MALT1: variants seen among roughly 807,000 people sequenced by gnomAD.
The protein encoded by MALT1 is mucosa-associated lymphoid tissue lymphoma translocation protein 1.
A neutral mutation model predicts 85.5 loss-of-function variants in MALT1; 36 were observed. That is an observed-to-expected ratio of 0.42 (90% confidence interval 0.32 to 0.56). The LOEUF (loss-of-function observed/expected upper bound fraction) is 0.56, where lower values mean the gene tolerates loss of function less well. MALT1 is among the 20% of genes least tolerant of loss of function. The probability of loss-of-function intolerance (pLI) is 0.10; values close to 1 mark genes in which losing one functional copy is unlikely to be tolerated. For missense variants in MALT1, 716 were observed against 981.6 expected (o/e 0.73, Z 3.62); for synonymous variants, 359 against 361.3 (o/e 0.99, Z 0.07).
intron 1 of MALT1, among the ~76,000 whole-genome samples, chr18:58,675,636 T>C (rs982680671): frequency 1.3e-5 from 2 of 152,230 alleles, no homozygotes; most frequent in East Asian, 3.8e-4. Context: ...AGAATTTTAT[T>C]GATTTAGGTA....
intron 1 of MALT1, chr18:58,677,728 G>A (rs957435572): frequency 6.6e-6 from 1 of 152,154 alleles, no homozygotes; most frequent in African/African-American, 2.4e-5. Context: ...ACTGCAGATT[G>A]TGCTGCCACT....
At chr18:58,747,278 G>A (rs536304844) in intron 16 of MALT1, 127 bp from the exon 17 acceptor site, 23 of 645,084 alleles carry the variant, frequency 3.6e-5, no homozygotes, top group African/African-American at 3.1e-4. Flanking sequence ...ATGCCTTGAG[G>A]ATTTGGAACC....
intron 2 of MALT1, among the ~76,000 whole-genome samples, chr18:58,682,315 A>G (rs1051274706): frequency 1.3e-5 from 2 of 152,202 alleles, no homozygotes; most frequent in African/African-American, 4.8e-5. Context: ...TACATGTACC[A>G]GAAACCCCAA....
At position 58,671,696 on chromosome 18, in the gene MALT1, CG is replaced by C. The variant is rs1421762165; in HGVS notation, c.57del (p.Pro20ArgfsTer53). 3 of 1,259,062 alleles carry C rather than the reference CG, an allele frequency of 2.4e-6. No homozygotes were observed. Among genetic ancestry groups the C allele is most frequent in the Admixed American group, 4.0e-5 (1 of 25,236 alleles). The allele number at this position is 1,259,062 out of a possible 1,614,324, so 78.0% of individuals were successfully genotyped here. ...LQALPPSAAPTGPLLAPPAGA... is the reference protein window; with the variant it reads ...LQALPPSAAPXGPLLAPPAGA... ...GCCCTGCCGCCCTCGGCCGCCCCCA[CG>C]GGGCCGCTGCTCGCCCCTCCGGCCG... On this transcript the variant is annotated frameshift_variant, in exon 1 of 17. Coordinates refer to ENST00000649217, the MANE Select transcript of MALT1 (RefSeq NM_006785.4). LOFTEE classifies it high-confidence loss of function.
chr18:58,725,358 T>G (rs2055040217), intron 10 of MALT1, among the ~76,000 whole-genome samples: 1 of 151,994 alleles, frequency 6.6e-6, no homozygotes, highest in African/African-American at 2.4e-5. Context: ...ATAAATGAGT[T>G]TCATGTTTAG....
At chr18:58,696,583 G>C (rs890986297) in intron 3 of MALT1, 96 bp downstream of exon 3, 43 of 1,033,874 alleles carry the variant, frequency 4.2e-5, no homozygotes, top group Non-Finnish European at 5.1e-5. Flanking sequence ...TAACAGTTTG[G>C]TAAAAGAGTC....
At chr18:58,736,485 G>C (rs1033407570) in intron 13 of MALT1, among the ~76,000 whole-genome samples, 1 of 151,580 alleles carries the variant, frequency 6.6e-6, no homozygotes, top group African/African-American at 2.4e-5. Context: ...GATTATGTCA[G>C]TTATATTCAA....
chr18:58,730,201 A>C (rs552687867), intron 10 of MALT1, among the ~76,000 whole-genome samples: 1 of 152,340 alleles, frequency 6.6e-6, no homozygotes, highest in African/African-American at 2.4e-5. Context: ...AAAGTGTATA[A>C]TTTGGTGATT....
chr18:58,690,552 C>T lies in MALT1; in HGVS notation c.377-5814C>T, dbSNP rs1026303609. 23 of 162,606 alleles carry T rather than the reference C, an allele frequency of 1.4e-4. 1 individual carries two copies. Among genetic ancestry groups the T allele is most frequent in the Admixed American group, 9.6e-4 (15 of 15,600 alleles). The allele number at this position is 162,606 out of a possible 1,614,324, so 10.1% of individuals were successfully genotyped here. ...CCCTCTGTGAGAGAGATGTACTTCA[C>T]GCCCGGGCTGCCACCGCTGATCTTC... On this transcript the variant is annotated intron_variant, in intron 2 of 16. Coordinates refer to ENST00000649217, the MANE Select transcript of MALT1 (RefSeq NM_006785.4).
At chr18:58,678,354 C>G (rs1484505016) in intron 1 of MALT1, among the ~76,000 whole-genome samples, 3 of 152,218 alleles carry the variant, frequency 2.0e-5, no homozygotes, top group Non-Finnish European at 4.4e-5. Flanking sequence ...TTCAGGCTTT[C>G]AGCCTTGACA....
rs138310338 is a variant in MALT1 at position 58,684,019 on chromosome 18, C to T, written c.376+2683C>T. On this transcript the variant is annotated intron_variant, in intron 2 of 16. Coordinates refer to ENST00000649217, the MANE Select transcript of MALT1 (RefSeq NM_006785.4). ...TGATCTCGGCTCACTGCAACTTCTGCCTCCGGAGCCTCAAGCAATCCTCCC... is the reference window on the plus strand; with the variant it reads ...TGATCTCGGCTCACTGCAACTTCTGTCTCCGGAGCCTCAAGCAATCCTCCC... Among the ~76,000 whole-genome samples, 6 of 152,248 alleles carry T rather than the reference C, an allele frequency of 3.9e-5. No homozygotes were observed. The East Asian group carries it at 1.2e-3, about 29-fold the overall frequency.
intron 8 of MALT1, among the ~76,000 whole-genome samples, chr18:58,715,379 T>C (rs2054884479): frequency 6.6e-6 from 1 of 152,144 alleles, no homozygotes; most frequent in African/African-American, 2.4e-5. Flanking sequence ...AAGCTTTTAA[T>C]AGGCTTCAGT....
chr18:58,748,712 C>CTT lies in MALT1; in HGVS notation c.*871_*872dup, dbSNP rs2055407185. 1 of 194,420 alleles carries CTT rather than the reference C, an allele frequency of 5.1e-6. No individual in the cohort carries two copies. The highest frequency in any genetic ancestry group is 2.3e-5 in the African/African-American group (1 of 42,946). 12.0% of individuals were successfully genotyped at this position (194,420 alleles called of 1,614,324 possible). A position where few individuals can be genotyped will look rare whatever the true frequency, so the allele number is the denominator to read the frequency against. On this transcript the variant is annotated 3_prime_UTR_variant, in exon 17 of 17. Transcript: ENST00000649217. ...TTCACTGGCCTAATGAGATAATACT[C>CTT]TTATCTTTGGCTCTACCTAAAAGTT...
chr18:58,752,846 G>A lies in MALT1; in HGVS notation c.*5004G>A, dbSNP rs1259106823. On this transcript the variant is annotated 3_prime_UTR_variant, in exon 17 of 17. Coordinates refer to ENST00000649217, the MANE Select transcript of MALT1 (RefSeq NM_006785.4). ...AAGAGTACAATCAGAATATGAAAAT[G>A]TGTAAATGTGCATATTCTCTTTTTT... 1 of 152,172 alleles carries A rather than the reference G, an allele frequency of 6.6e-6. No individual in the cohort carries two copies. Among genetic ancestry groups the A allele is most frequent in the African/African-American group, 2.4e-5 (1 of 41,450 alleles). The allele number at this position is 152,172 out of a possible 1,614,324, so 9.4% of individuals were successfully genotyped here.
At chr18:58,687,914 C>CT (rs1233885021) in intron 2 of MALT1, among the ~76,000 whole-genome samples, 1 of 152,146 alleles carries the variant, frequency 6.6e-6, no homozygotes, top group East Asian at 1.9e-4. Flanking sequence ...TCACATTCTC[C>CT]CAGGCTTACA....
At chr18:58,737,639 G>C (rs1208264952) in intron 13 of MALT1, among the ~76,000 whole-genome samples, 1 of 152,202 alleles carries the variant, frequency 6.6e-6, no homozygotes, top group Non-Finnish European at 1.5e-5. Context: ...CTAGAGTGCA[G>C]TGGCATGATC....
chr18:58,704,756 T>C (rs1250071147), intron 4 of MALT1, among the ~76,000 whole-genome samples: 1 of 151,970 alleles, frequency 6.6e-6, no homozygotes, highest in East Asian at 1.9e-4. Context: ...AACCATGGCA[T>C]TTCTTTCATA....
rs1369684298 is a variant in MALT1 at position 58,751,828 on chromosome 18, A to T, written c.*3986A>T. ...GGTAATTTTTAAAAATTAAAGTCAC[A>T]ATTATAAATTGTATATTTCCTAATA... is the stretch of plus-strand genomic sequence containing the variant. On this transcript the variant is annotated 3_prime_UTR_variant, in exon 17 of 17. Transcript: ENST00000649217. 1 of 152,254 alleles carries T rather than the reference A, an allele frequency of 6.6e-6. No individual in the cohort carries two copies. The highest frequency in any genetic ancestry group is 1.5e-5 in the Non-Finnish European group (1 of 68,042). 9.4% of individuals were successfully genotyped at this position (152,254 alleles called of 1,614,324 possible). A position where few individuals can be genotyped will look rare whatever the true frequency, so the allele number is the denominator to read the frequency against.
In MALT1 at chr18:58,752,825, G is replaced by C. The variant is rs1049646148; in HGVS notation, c.*4983G>C. The C allele has an allele frequency of 6.6e-6, 1 of 152,056 alleles. No individual in the cohort carries two copies. Among genetic ancestry groups the C allele is most frequent in the African/African-American group, 2.4e-5 (1 of 41,392 alleles). The allele number at this position is 152,056 out of a possible 1,614,324, so 9.4% of individuals were successfully genotyped here. On this transcript the variant is annotated 3_prime_UTR_variant, in exon 17 of 17. Transcript: ENST00000649217. ...AAAAATAAAATATTAGTAAAGAAGA[G>C]TACAATCAGAATATGAAAATGTGTA...
Sources: allele counts gnomAD v4.1 joint callset (sites outside exome capture counted in the v4.1 genomes callset), GRCh38; gene constraint gnomAD v4.1.1; transcripts MANE v1.5; gene names NCBI Gene and HGNC (gene_info 2026-07-23, HGNC 2026-07-21).